Variants in RFX2 observed in about 807,000 individuals in gnomAD.
RFX2 encodes the protein regulatory factor X2, also known as DNA-binding protein RFX2.
A neutral mutation model predicts 87.8 loss-of-function variants in RFX2; 20 were observed. That is an observed-to-expected ratio of 0.23 (90% CI 0.16 to 0.33). The LOEUF is 0.33. Among genes scored for constraint, RFX2 ranks in the 10% least tolerant of loss-of-function variants. RFX2 has a pLI of 1.00. For missense variants in RFX2, 767 were observed against 1,012.3 expected, an observed-to-expected ratio of 0.76 and a Z score of 3.29; for synonymous variants, 397 against 431.3, an observed-to-expected ratio of 0.92 and a Z score of 0.98.
In RFX2 at chr19:6,061,557, G is replaced by A. The variant is rs923984258; in HGVS notation, c.-8-14053C>T. ...CCCCACAGAATGCATCCAAAGAAAC[G>A]GAACATTTGGTTCCCTTCCTACTCC... On this transcript the variant is annotated intron_variant, in intron 1 of 17. Coordinates refer to ENST00000303657, the MANE Select transcript of RFX2 (RefSeq NM_000635.4). The surrounding 1 kb of genome is among the most constrained non-coding windows in gnomAD (Gnocchi z 5.2). 2.6e-5 allele frequency among the ~76,000 whole-genome samples: 4 copies of A among 152,210 alleles called. No individual in the cohort carries two copies. The highest frequency in any genetic ancestry group is 6.5e-5 in the Admixed American group (1 of 15,278).
Position 6,063,581 on chromosome 19 carries a change from T to G in RFX2, c.-8-16077A>C, listed in dbSNP as rs1353154817. On this transcript the variant is annotated intron_variant, in intron 1 of 17. Transcript: ENST00000303657. This position sits in a 1 kb window ranked among gnomAD's most constrained non-coding sequence, Gnocchi z 4.0. ...CCATGACAGCTAAGATTAAAGTGAC[T>G]GCTGCGTTGAAGAAGGAGGGAGGCA... Among the ~76,000 whole-genome samples, 4 of 152,294 alleles carry G rather than the reference T, an allele frequency of 2.6e-5. No individual in the cohort carries two copies. The highest frequency in any genetic ancestry group is 9.6e-5 in the African/African-American group (4 of 41,552).
At chr19:6,093,797 G>A (rs1384919103) in intron 1 of RFX2, among the ~76,000 whole-genome samples, 1 of 152,008 alleles carries the variant, frequency 6.6e-6, no homozygotes, top group Non-Finnish European at 1.5e-5. Flanking sequence ...GTGGTACAAG[G>A]TGGATGAACC....
rs185606591 is a variant in RFX2, at chr19:6,040,034, C to T, written c.468G>A (p.Gly156=). The change falls in exon 5 of 18, where the codon GGG becomes GGA. Residue 156 remains glycine (G), a synonymous_variant. Transcript: ENST00000303657. The surrounding 1 kb of genome is among the most constrained non-coding windows in gnomAD (Gnocchi z 6.1). ...SSAGAYLIHG[G]MDSTRHSLAH... is the part of the protein sequence containing the mutation. ...CCAGGGAGTGTCTGGTGCTGTCCAT[C>T]CCCCCGTGGATGAGATAGGCTCCCG... 7.5e-6 allele frequency: 12 copies of T among 1,608,430 alleles called. No homozygotes were observed. The African/African-American group carries it at 1.2e-4, about 16-fold the overall frequency.
At chr19:6,003,622 C>CA (rs1230392948) in intron 13 of RFX2, among the ~76,000 whole-genome samples, 1 of 151,276 alleles carries the variant, frequency 6.6e-6, no homozygotes, top group African/African-American at 2.4e-5. Flanking sequence ...ACTAAAAATA[C>CA]AAAAAAATTA....
rs2086647084 is a variant in RFX2, at chr19:6,010,478, A to C, written c.900-227T>G. On this transcript the variant is annotated intron_variant, in intron 8 of 17. Coordinates refer to ENST00000303657, the MANE Select transcript of RFX2 (RefSeq NM_000635.4). This position sits in a 1 kb window ranked among gnomAD's most constrained non-coding sequence, Gnocchi z 5.0. ...TGCAACCCTCACCGTCGTCATCTCC[A>C]GAACTTGATCATCTTCCCACACTGA... is the stretch of plus-strand genomic sequence containing the variant. Among the ~76,000 whole-genome samples, 1 of 152,254 alleles carries C rather than the reference A, an allele frequency of 6.6e-6. No individual in the cohort carries two copies. The highest frequency in any genetic ancestry group is 1.5e-5 in the Non-Finnish European group (1 of 68,042).
rs564794143 is a variant in RFX2, at chr19:6,081,308, G to A, written c.-9+29085C>T. ...AGGATTGATTGAGGCCAACCAGGCC[G>A]AAAAGGAAGACCCTGTCTCTATTTT... On this transcript the variant is annotated intron_variant, in intron 1 of 17. Coordinates refer to ENST00000303657, the MANE Select transcript of RFX2 (RefSeq NM_000635.4). Among the ~76,000 whole-genome samples the A allele has an allele frequency of 1.1e-4, 16 of 152,284 alleles. No individual in the cohort carries two copies. The South Asian group carries it at 2.7e-3, about 26-fold the overall frequency.
intron 1 of RFX2, among the ~76,000 whole-genome samples, chr19:6,065,053 A>T (rs370259989): frequency 5.4e-4 from 82 of 152,272 alleles, no homozygotes; most frequent in Non-Finnish European, 9.1e-4. Context: ...TGATAAATTT[A>T]AAAAAAATTT....
intron 1 of RFX2, among the ~76,000 whole-genome samples, chr19:6,055,636 C>T (rs1169005018): frequency 6.6e-6 from 1 of 152,126 alleles, no homozygotes; most frequent in African/African-American, 2.4e-5. Context: ...GTTGCCCAGG[C>T]TGGTCTCAAA....
rs2086890725 is a variant in RFX2, at chr19:6,026,541, G to A, written c.523-304C>T. ...TTTAACCTGGCATATGTGTGTGCACGCCGTAGCATTAATATGCAGCCACTG... is the reference window on the plus strand; with the variant it reads ...TTTAACCTGGCATATGTGTGTGCACACCGTAGCATTAATATGCAGCCACTG... On this transcript the variant is annotated intron_variant, in intron 5 of 17. Transcript: ENST00000303657. The surrounding 1 kb of genome is among the most constrained non-coding windows in gnomAD (Gnocchi z 4.5). The A allele has an allele frequency of 6.9e-6, 3 of 434,590 alleles. No individual in the cohort carries two copies. Among genetic ancestry groups the A allele is most frequent in the Non-Finnish European group, 1.3e-5 (3 of 238,892 alleles). 26.9% of individuals were successfully genotyped at this position (434,590 alleles called of 1,614,324 possible).
chr19:5,996,419 C>T lies in RFX2; in HGVS notation c.2013+641G>A, dbSNP rs145267319. ...CCAGGCTTTGACCCGGGCCGCAGCG[C>T]GGATGTCATGTTCCGTGACAGACGC... is the stretch of plus-strand genomic sequence containing the variant. On this transcript the variant is annotated intron_variant, in intron 16 of 17. Transcript: ENST00000303657. Among the ~76,000 whole-genome samples the T allele has an allele frequency of 1.2e-4, 15 of 129,964 alleles. No individual in the cohort carries two copies. In the East Asian group the frequency reaches 2.2e-3, roughly 19 times the overall value. 85.3% of individuals were successfully genotyped at this position (129,964 alleles called of 152,430 possible). A position where few individuals can be genotyped will look rare whatever the true frequency, so the allele number is the denominator to read the frequency against.
chr19:6,058,841 G>A lies in RFX2; in HGVS notation c.-8-11337C>T, dbSNP rs922146322. ...TTTGCAGACTGGAAGGGGGATGGGG[G>A]AGTGCAGACACCCAGTAGGCCCTTA... On this transcript the variant is annotated intron_variant, in intron 1 of 17. Transcript: ENST00000303657. Among the ~76,000 whole-genome samples the A allele has an allele frequency of 2.0e-5, 3 of 152,276 alleles. No individual in the cohort carries two copies. In the South Asian group the frequency reaches 6.2e-4, roughly 32 times the overall value.
rs376378204 is a variant in RFX2 at position 6,090,243 on chromosome 19, C to T, written c.-9+20150G>A. 3.3e-5 allele frequency among the ~76,000 whole-genome samples: 5 copies of T among 151,876 alleles called. No individual in the cohort carries two copies. The East Asian group carries it at 7.7e-4, about 23-fold the overall frequency. ...TCAGCCTCCCAAAGTGCTGAGATTA[C>T]AAGCATGAGCCACCATGCCAGCCCA... On this transcript the variant is annotated intron_variant, in intron 1 of 17. Coordinates refer to ENST00000303657, the MANE Select transcript of RFX2 (RefSeq NM_000635.4).
intron 1 of RFX2, among the ~76,000 whole-genome samples, chr19:6,089,110 C>G (rs890832380): frequency 6.6e-6 from 1 of 152,138 alleles, no homozygotes; most frequent in Non-Finnish European, 1.5e-5. Flanking sequence ...TGGATTTAGC[C>G]CATGGGCTAG....
chr19:6,094,468 C>T lies in RFX2; in HGVS notation c.-9+15925G>A, dbSNP rs75435890. Among the ~76,000 whole-genome samples the T allele has an allele frequency of 7.4e-4, 112 of 152,294 alleles. No homozygotes were observed. The East Asian group carries it at 0.015, about 21-fold the overall frequency. The stretch of plus-strand genomic sequence containing the variant: ...ACAACGCTGAGGTCAGGTGGACCCA[C>T]GCTACTCAGACTTTGTCAGTGACCT... On this transcript the variant is annotated intron_variant, in intron 1 of 17. Transcript: ENST00000303657.
chr19:6,068,908 A>G (rs934128267), intron 1 of RFX2, among the ~76,000 whole-genome samples: 2 of 152,096 alleles, frequency 1.3e-5, no homozygotes, highest in Non-Finnish European at 2.9e-5. Context: ...GGCTAATGTG[A>G]TAATCTGGGC....
chr19:6,060,701 G>A (rs1475709396), intron 1 of RFX2, among the ~76,000 whole-genome samples: 2 of 151,980 alleles, frequency 1.3e-5, no homozygotes, highest in African/African-American at 4.8e-5. Context: ...GCAGTGTTTC[G>A]TGTCGCTCCT....
At position 6,002,055 on chromosome 19, in the gene RFX2, T is replaced by C; in HGVS notation, c.1651-32A>G. 1.9e-6 allele frequency: 3 copies of C among 1,557,310 alleles called. No individual in the cohort carries two copies. The highest frequency in any genetic ancestry group is 1.7e-6 in the Non-Finnish European group (2 of 1,148,514). On this transcript the variant is annotated intron_variant, in intron 14 of 17. Transcript: ENST00000303657. This position sits in a 1 kb window ranked among gnomAD's most constrained non-coding sequence, Gnocchi z 6.7. ...GCAGGGCAGAGGCCAGTGTCAGCAA[T>C]GTGGACCCCCAGCCACGGCAGCCCT...
In RFX2 at chr19:6,013,656, C is replaced by T. The variant is rs1236250098; in HGVS notation, c.780-551G>A. ...TGCCTCAGCCTCTGAGTAGCTGGGA[C>T]AGCTGGCGTGTGCCAACACACTCGG... On this transcript the variant is annotated intron_variant, in intron 7 of 17. Coordinates refer to ENST00000303657, the MANE Select transcript of RFX2 (RefSeq NM_000635.4). This position sits in a 1 kb window ranked among gnomAD's most constrained non-coding sequence, Gnocchi z 4.1. Among the ~76,000 whole-genome samples, 1 of 152,124 alleles carries T rather than the reference C, an allele frequency of 6.6e-6. No homozygotes were observed. Among genetic ancestry groups the T allele is most frequent in the East Asian group, 1.9e-4 (1 of 5,184 alleles).
intron 1 of RFX2, among the ~76,000 whole-genome samples, chr19:6,086,866 G>A (rs575883364): frequency 2.3e-4 from 35 of 152,280 alleles, no homozygotes; most frequent in African/African-American, 6.5e-4. Flanking sequence ...TACTACTAAC[G>A]TAGATTGTCA....
Sources: gnomAD v4.1 joint callset for allele counts (sites outside exome capture counted in the v4.1 genomes callset) on GRCh38, gnomAD v4.1.1 for gene constraint, Gnocchi (gnomAD v3.1) non-coding constraint, MANE v1.5 for transcripts, NCBI Gene and HGNC (gene_info 2026-07-23, HGNC 2026-07-21) for gene names.